Variants in GCNT4 observed in about 807,000 individuals in gnomAD.
The protein encoded by GCNT4 is glucosaminyl (N-acetyl) transferase 4.
In GCNT4, 17 loss-of-function variants were observed where a neutral mutation model predicts 31.3. The observed-to-expected ratio is 0.54, with a 90% CI of 0.37 to 0.81. The LOEUF (loss-of-function observed/expected upper bound fraction) is 0.81. Among genes scored for constraint, GCNT4 ranks in the 40% least tolerant of loss-of-function variants. The pLI is 0.00. For missense variants in GCNT4, 503 were observed against 525.5 expected, an observed-to-expected ratio of 0.96 and a Z score of 0.42; for synonymous variants, 158 against 190.6, an observed-to-expected ratio of 0.83 and a Z score of 1.41.
At chr5:75,031,996 A>G (rs1335975060) in intron 3 of GCNT4, among the ~76,000 whole-genome samples, 1 of 152,176 alleles carries the variant, frequency 6.6e-6, no homozygotes, top group Non-Finnish European at 1.5e-5. Context: ...AAGAACTTGG[A>G]ACCCAGTTTA....
chr5:75,045,482 T>C (rs1743416991), intron 3 of GCNT4, among the ~76,000 whole-genome samples: 1 of 152,258 alleles, frequency 6.6e-6, no homozygotes, highest in Non-Finnish European at 1.5e-5. Context: ...TAAGACTAAA[T>C]AATATTCCAT....
intron 3 of GCNT4, among the ~76,000 whole-genome samples, chr5:75,038,378 T>C (rs1214216989): frequency 1.3e-5 from 2 of 152,192 alleles, no homozygotes; most frequent in African/African-American, 4.8e-5. Flanking sequence ...CCATATTTCT[T>C]CTCTAAATGT....
intron 3 of GCNT4, among the ~76,000 whole-genome samples, chr5:75,039,086 T>G (rs1269872183): frequency 6.6e-6 from 1 of 152,088 alleles, no homozygotes; most frequent in African/African-American, 2.4e-5. Context: ...TTTTTTGTTT[T>G]GTTTTGTTTT....
chr5:75,020,519 AAGAGAGCTGCTGATG>A (rs1742869761), downstream of GCNT4, among the ~76,000 whole-genome samples: 1 of 151,938 alleles, frequency 6.6e-6, no homozygotes, highest in South Asian at 2.1e-4. Context: ...TGGACAGTGT[AAGAGAGCTGCTGATG>A]AGAGAGCTGC....
downstream of GCNT4, among the ~76,000 whole-genome samples, chr5:75,020,488 C>G (rs920530331): frequency 6.6e-6 from 1 of 152,114 alleles, no homozygotes; most frequent in African/African-American, 2.4e-5. Flanking sequence ...TGGCAGGAGC[C>G]ACAGAGCCAG....
Position 75,029,885 on chromosome 5 carries a change from A to T in GCNT4, c.153T>A (p.Ser51Arg). 1 of 1,614,178 alleles carries T rather than the reference A, an allele frequency of 6.2e-7. No homozygotes were observed. The highest frequency in any genetic ancestry group is 8.5e-7 in the Non-Finnish European group (1 of 1,180,008). The change falls in exon 4 of 4, where the codon AGT becomes AGA. Residue 51 changes from serine (S) to arginine (R), a missense_variant. Transcript: ENST00000652361. ...ATCTGTTTCTTACAAAAGGCGAGGT[A>T]CTTAGGGAGTACTCAACCAAGTAAA... ...KDIYLVEYSL[S>R]TSPFVRNRYT...
At chr5:75,033,435 G>C (rs113025455) in intron 3 of GCNT4, among the ~76,000 whole-genome samples, 6,129 of 152,268 alleles carry the variant, frequency 0.04, 197 homozygotes, top group African/African-American at 0.092. Context: ...TGAGAGCCAG[G>C]AATGAGAGTG....
Position 75,029,928 on chromosome 5 carries a change from A to G in GCNT4, c.110T>C (p.Leu37Pro), listed in dbSNP as rs1170545158. 6.2e-7 allele frequency: 1 copy of G among 1,614,194 alleles called. No homozygotes were observed. Among genetic ancestry groups the G allele is most frequent in the East Asian group, 2.2e-5 (1 of 44,876 alleles). ...SLLKLLNVRRLFPQKDIYLVE... is the reference protein window; with the variant it reads ...SLLKLLNVRRPFPQKDIYLVE... ...CAAGTAAATGTCTTTTTGCGGAAAG[A>G]GTCGTCTCACATTTAGAAGCTTTAA... The change falls in exon 4 of 4, where the codon CTC becomes CCC. Residue 37 changes from leucine (L) to proline (P), a missense_variant. Physicochemically the swap from Leu to Pro is moderately conservative, Grantham distance 98. Transcript: ENST00000652361.
chr5:75,046,427 C>A (rs1170502397), intron 3 of GCNT4, among the ~76,000 whole-genome samples: 2 of 152,182 alleles, frequency 1.3e-5, no homozygotes, highest in Admixed American at 1.3e-4. Flanking sequence ...AGGAACTCCG[C>A]TAGGTGTTGT....
chr5:75,040,820 T>G (rs944979191), intron 3 of GCNT4, among the ~76,000 whole-genome samples: 1 of 152,258 alleles, frequency 6.6e-6, no homozygotes. Flanking sequence ...GGTTTTTCAC[T>G]ACTTGACAGC....
intron 3 of GCNT4, among the ~76,000 whole-genome samples, chr5:75,039,753 T>C (rs1743278536): frequency 6.6e-6 from 1 of 152,204 alleles, no homozygotes; most frequent in South Asian, 2.1e-4. Context: ...AACTCTTGCC[T>C]AGATACAAAA....
At chr5:75,040,438 A>G (rs2149967744) in intron 3 of GCNT4, among the ~76,000 whole-genome samples, 1 of 152,190 alleles carries the variant, frequency 6.6e-6, no homozygotes, top group South Asian at 2.1e-4. Context: ...AGACATCCAT[A>G]CCTGGTACGG....
chr5:75,038,355 C>T (rs1743245522), intron 3 of GCNT4, among the ~76,000 whole-genome samples: 1 of 152,166 alleles, frequency 6.6e-6, no homozygotes, highest in Non-Finnish European at 1.5e-5. Context: ...AATAACTTTA[C>T]AGGTGGTTGA....
chr5:75,024,646 C>G (rs1235979657), downstream of GCNT4, among the ~76,000 whole-genome samples: 3 of 152,112 alleles, frequency 2.0e-5, no homozygotes, highest in Admixed American at 6.5e-5. Flanking sequence ...GTGCTCACAA[C>G]CAAGGCAGGA....
chr5:75,053,129 C>G (rs936974275), upstream of GCNT4, among the ~76,000 whole-genome samples: 24 of 151,996 alleles, frequency 1.6e-4, no homozygotes, highest in Non-Finnish European at 2.9e-4. Flanking sequence ...CCCTTTCCCC[C>G]CGCTGGCCTC....
At chr5:75,049,276 C>T (rs1366956080) in intron 2 of GCNT4, among the ~76,000 whole-genome samples, 2 of 152,212 alleles carry the variant, frequency 1.3e-5, no homozygotes, top group African/African-American at 4.8e-5. Flanking sequence ...ATATGGTAGA[C>T]ATTTTTCCTC....
downstream of GCNT4, among the ~76,000 whole-genome samples, chr5:75,025,139 A>G (rs1456567955): frequency 1.3e-5 from 2 of 152,198 alleles, no homozygotes; most frequent in African/African-American, 4.8e-5. Context: ...GAAGACAGGT[A>G]AATCCTGGAA....
At chr5:75,040,243 A>G (rs1743290158) in intron 3 of GCNT4, among the ~76,000 whole-genome samples, 1 of 149,848 alleles carries the variant, frequency 6.7e-6, no homozygotes, top group Non-Finnish European at 1.5e-5. Context: ...CAGTGGCGCC[A>G]ACTCAGCTCA....
At chr5:75,024,972 A>G (rs1038056197), downstream of GCNT4, among the ~76,000 whole-genome samples, 1 of 151,360 alleles carries the variant, frequency 6.6e-6, no homozygotes, top group Non-Finnish European at 1.5e-5. Context: ...AAAAAAAAAA[A>G]AAGGTAGAAA....
Sources: allele counts gnomAD v4.1 joint callset (sites outside exome capture counted in the v4.1 genomes callset), GRCh38; gene constraint gnomAD v4.1.1; transcripts MANE v1.5; gene names NCBI Gene and HGNC (gene_info 2026-07-23, HGNC 2026-07-21).